Variants in VSTM2L observed in about 807,000 individuals in gnomAD.
VSTM2L encodes the protein V-set and transmembrane domain containing 2 like, also known as V-set and transmembrane domain-containing protein 2-like protein.
Under a neutral mutation model 19.9 loss-of-function variants are expected in VSTM2L, and 9 were observed. The observed-to-expected ratio is 0.45, with a 90% CI of 0.27 to 0.79. VSTM2L has a LOEUF of 0.79. Ranked by LOEUF, VSTM2L falls within the 30% of genes least tolerant of loss-of-function variation. The pLI is 0.15. For synonymous variants in VSTM2L, 127 were observed against 133.8 expected (o/e 0.95, Z 0.35); for missense variants, 286 against 295.5 (o/e 0.97, Z 0.24).
At chr20:37,929,567 AG>A (rs1485594176) in intron 1 of VSTM2L, among the ~76,000 whole-genome samples, 2 of 152,288 alleles carry the variant, frequency 1.3e-5, no homozygotes, top group Admixed American at 6.5e-5. Flanking sequence ...TGAGTAGAGC[AG>A]GGACAGGGAT....
At chr20:37,938,090 G>A (rs543831193) in intron 3 of VSTM2L, among the ~76,000 whole-genome samples, 2 of 151,938 alleles carry the variant, frequency 1.3e-5, no homozygotes, top group Non-Finnish European at 2.9e-5. Flanking sequence ...GGAAGGTTGT[G>A]TAGATCTGGG....
In VSTM2L at chr20:37,931,732, G is replaced by A. The variant is rs754369842; in HGVS notation, c.219G>A (p.Ser73=). ...GCGGCAGCGGCTCCCCCTCCTACTC[G>A]CTGGAGATCCAGTGGTGGTATGTAC... ...SFRGSGSPSY[S]LEIQWWYVRS... Residue 73 remains serine (S), a synonymous_variant, in exon 2 of 4, where the codon TCG becomes TCA. Transcript: ENST00000373461. The A allele has an allele frequency of 3.4e-5, 55 of 1,613,692 alleles. No individual in the cohort carries two copies. The highest frequency in any genetic ancestry group is 4.5e-5 in the East Asian group (2 of 44,900).
At chr20:37,931,594 T>C (rs761611521) in intron 1 of VSTM2L, 41 bp from the exon 2 acceptor site, 1 of 1,559,784 alleles carries the variant, frequency 6.4e-7, no homozygotes, top group Non-Finnish European at 8.7e-7. Flanking sequence ...AGCCCCGTGG[T>C]TTCCTGAGCC....
intron 1 of VSTM2L, among the ~76,000 whole-genome samples, chr20:37,917,391 G>A (rs774405878): frequency 6.6e-6 from 1 of 152,144 alleles, no homozygotes. Context: ...CTCCTCCATC[G>A]GCCAGAGACA....
chr20:37,916,401 A>T (rs2072818826), intron 1 of VSTM2L, among the ~76,000 whole-genome samples: 1 of 152,240 alleles, frequency 6.6e-6, no homozygotes, highest in South Asian at 2.1e-4. Context: ...ACATGTGGGA[A>T]GAGGAGGCGG....
Position 37,944,445 on chromosome 20 carries a change from A to G in VSTM2L, c.*192A>G. 2.6e-6 allele frequency: 3 copies of G among 1,172,658 alleles called. No individual in the cohort carries two copies. Among genetic ancestry groups the G allele is most frequent in the Non-Finnish European group, 3.3e-6 (3 of 919,908 alleles). The allele number at this position is 1,172,658 out of a possible 1,614,324, so 72.6% of individuals were successfully genotyped here. ...GCCCCACCCACCCCTGCCCTTTCAG[A>G]CCCCTGCGGTGACCTGGCTCGGAGA... On this transcript the variant is annotated 3_prime_UTR_variant, in exon 4 of 4. Coordinates refer to ENST00000373461, the MANE Select transcript of VSTM2L (RefSeq NM_080607.3).
At chr20:37,908,211 G>A (rs1276364412) in intron 1 of VSTM2L, among the ~76,000 whole-genome samples, 1 of 152,208 alleles carries the variant, frequency 6.6e-6, no homozygotes, top group Non-Finnish European at 1.5e-5. Context: ...GAAGCCGCAG[G>A]CGGCCAGCAG....
intron 1 of VSTM2L, among the ~76,000 whole-genome samples, chr20:37,925,757 C>T (rs1600568408): frequency 6.6e-6 from 1 of 152,206 alleles, no homozygotes; most frequent in Non-Finnish European, 1.5e-5. Context: ...GGGACCACAG[C>T]CCCTCTATGG....
At chr20:37,940,938 C>G (rs1392265221) in intron 3 of VSTM2L, among the ~76,000 whole-genome samples, 2 of 152,208 alleles carry the variant, frequency 1.3e-5, no homozygotes, top group Non-Finnish European at 2.9e-5. Flanking sequence ...TCACCTCCCA[C>G]CAGGCCCCGC....
At chr20:37,917,379 C>T (rs1004636911) in intron 1 of VSTM2L, among the ~76,000 whole-genome samples, 1 of 152,256 alleles carries the variant, frequency 6.6e-6, no homozygotes, top group African/African-American at 2.4e-5. Flanking sequence ...GCAGGGCGGC[C>T]CCTCCTCCAT....
intron 2 of VSTM2L, among the ~76,000 whole-genome samples, chr20:37,933,192 G>A (rs995019313): frequency 1.3e-5 from 2 of 152,204 alleles, no homozygotes; most frequent in Admixed American, 6.5e-5. Context: ...TGACTCAAGG[G>A]TACAAACATG....
At chr20:37,942,697 A>G (rs907372567) in intron 3 of VSTM2L, among the ~76,000 whole-genome samples, 1 of 152,238 alleles carries the variant, frequency 6.6e-6, no homozygotes, top group Non-Finnish European at 1.5e-5. Flanking sequence ...CGAGTGTTCC[A>G]TGCTTTGCTC....
chr20:37,935,062 T>G (rs2072931738), intron 3 of VSTM2L, among the ~76,000 whole-genome samples: 1 of 152,174 alleles, frequency 6.6e-6, no homozygotes, highest in South Asian at 2.1e-4. Flanking sequence ...TCTCCTATAA[T>G]TTTGCCTGGG....
chr20:37,921,995 G>A (rs6013446), intron 1 of VSTM2L, among the ~76,000 whole-genome samples: 2 of 151,474 alleles, frequency 1.3e-5, no homozygotes, highest in Admixed American at 6.6e-5. Flanking sequence ...GCTGCAGTGA[G>A]CCCAGGGAAG....
intron 1 of VSTM2L, among the ~76,000 whole-genome samples, chr20:37,921,837 C>CTTTTTTTTTTTTTT (rs1568837638): frequency 1.7e-4 from 22 of 126,606 alleles, no homozygotes; most frequent in African/African-American, 7.9e-4. Context: ...TCTTTCTTTT[C>CTTTTTTTTTTTTTT]CTTTTTTTTT....
At chr20:37,943,918 C>G in intron 3 of VSTM2L, 63 bp from the exon 4 acceptor site, 2 of 871,866 alleles carry the variant, frequency 2.3e-6, no homozygotes, top group Non-Finnish European at 3.0e-6. Flanking sequence ...ACCCCCCCCC[C>G]CGACTCTTCT....
intron 3 of VSTM2L, among the ~76,000 whole-genome samples, chr20:37,937,299 G>C (rs147462688): frequency 8.9e-4 from 136 of 152,322 alleles, no homozygotes; most frequent in African/African-American, 3.2e-3. Context: ...TAGGAGCCAT[G>C]ACGAGCACTT....
intron 1 of VSTM2L, among the ~76,000 whole-genome samples, chr20:37,919,052 G>C (rs2072835822): frequency 6.6e-6 from 1 of 152,306 alleles, no homozygotes; most frequent in Admixed American, 6.5e-5. Flanking sequence ...GGGACTGCAG[G>C]CTCCCTGAGG....
At chr20:37,914,371 T>C (rs2072800513) in intron 1 of VSTM2L, among the ~76,000 whole-genome samples, 1 of 149,696 alleles carries the variant, frequency 6.7e-6, no homozygotes, top group Admixed American at 6.6e-5. Flanking sequence ...TTTATATATG[T>C]GTGTGGGTGT....
Sources: allele counts gnomAD v4.1 joint callset (sites outside exome capture counted in the v4.1 genomes callset), GRCh38; gene constraint gnomAD v4.1.1; transcripts MANE v1.5; gene names NCBI Gene and HGNC (gene_info 2026-07-23, HGNC 2026-07-21).